The following TUSC3 variants were observed in gnomAD, a reference collection of about 807,000 sequenced individuals.
The protein encoded by TUSC3 is dolichyl-diphosphooligosaccharide--protein glycosyltransferase subunit TUSC3.
TUSC3 carries 45 observed loss-of-function variants against 44.8 expected under a neutral mutation model. The observed-to-expected ratio is 1.00, with a 90% confidence interval of 0.79 to 1.29. The LOEUF (loss-of-function observed/expected upper bound fraction) is 1.29, where lower values mean the gene tolerates loss of function less well. Among genes scored for constraint, TUSC3 ranks in the 50% most tolerant of loss-of-function variants. TUSC3 has a pLI of 0.00. For missense variants in TUSC3, 519 were observed against 437.9 expected, an observed-to-expected ratio of 1.19 and a Z score of -1.65; for synonymous variants, 212 against 152.9, an observed-to-expected ratio of 1.39 and a Z score of -2.85.
chr8:15,606,082 A>T (rs1429213757), intron 1 of TUSC3, among the ~76,000 whole-genome samples: 1 of 151,972 alleles, frequency 6.6e-6, no homozygotes, highest in Non-Finnish European at 1.5e-5. Context: ...CGCAAACAAA[A>T]TGCCACTAGG....
chr8:15,583,466 A>G (rs562772028), intron 1 of TUSC3, among the ~76,000 whole-genome samples: 1 of 152,314 alleles, frequency 6.6e-6, no homozygotes, highest in Non-Finnish European at 1.5e-5. Context: ...GGAAAATGAA[A>G]AATAATAGGC....
intron 2 of TUSC3, among the ~76,000 whole-genome samples, chr8:15,502,290 A>T (rs1327504650): frequency 6.6e-6 from 1 of 152,202 alleles, no homozygotes; most frequent in Non-Finnish European, 1.5e-5. Context: ...ATGCCCAATT[A>T]AATTGTTAAA....
intron 2 of TUSC3, among the ~76,000 whole-genome samples, chr8:15,639,123 A>C (rs1331318841): frequency 6.7e-6 from 1 of 148,988 alleles, no homozygotes; most frequent in Non-Finnish European, 1.5e-5. Context: ...TGTCGATGCT[A>C]GATCACGTGA....
intron 1 of TUSC3, among the ~76,000 whole-genome samples, chr8:15,545,329 T>C (rs1563282095): frequency 6.6e-6 from 1 of 151,696 alleles, no homozygotes; most frequent in East Asian, 1.9e-4. Context: ...CCCACTCATG[T>C]AGTGAATTAC....
At chr8:15,525,251 C>G (rs1334529424) in intron 2 of TUSC3, among the ~76,000 whole-genome samples, 1 of 152,174 alleles carries the variant, frequency 6.6e-6, no homozygotes, top group African/African-American at 2.4e-5. Context: ...ACAAAGCCTA[C>G]AAACACTATG....
chr8:15,478,789 A>G (rs985839667), intron 1 of TUSC3, among the ~76,000 whole-genome samples: 1 of 152,196 alleles, frequency 6.6e-6, no homozygotes, highest in African/African-American at 2.4e-5. Context: ...TCCTTTGGGT[A>G]TATACCTAGT....
At chr8:15,833,909 A>C in the TUSC3 span, among the ~76,000 whole-genome samples, 1 of 152,098 alleles carries the variant, frequency 6.6e-6, no homozygotes, top group Non-Finnish European at 1.5e-5. Flanking sequence ...ACTACCATTA[A>C]TATAGAGAAC....
chr8:15,772,190 A>C, the TUSC3 span, among the ~76,000 whole-genome samples: 1 of 152,106 alleles, frequency 6.6e-6, no homozygotes, highest in Non-Finnish European at 1.5e-5. Flanking sequence ...AGATGTATAG[A>C]AATAAAGATC....
chr8:15,478,257 T>G (rs928877898), intron 1 of TUSC3, among the ~76,000 whole-genome samples: 1 of 152,140 alleles, frequency 6.6e-6, no homozygotes, highest in African/African-American at 2.4e-5. Flanking sequence ...TGAGTTACCA[T>G]GCCTGGCCTT....
intron 6 of TUSC3, among the ~76,000 whole-genome samples, chr8:15,713,312 G>T (rs561030222): frequency 6.6e-6 from 1 of 152,054 alleles, no homozygotes; most frequent in Non-Finnish European, 1.5e-5. Flanking sequence ...TAATACATGT[G>T]TTTAATTTAC....
the TUSC3 span, among the ~76,000 whole-genome samples, chr8:15,828,514 A>G: frequency 3.3e-5 from 5 of 152,188 alleles, no homozygotes; most frequent in Non-Finnish European, 7.4e-5. Context: ...GTGTGCTACC[A>G]ACTGTTTATT....
intron 6 of TUSC3, among the ~76,000 whole-genome samples, chr8:15,718,136 T>G (rs4258005): frequency 6.6e-6 from 1 of 151,896 alleles, no homozygotes; most frequent in Non-Finnish European, 1.5e-5. Context: ...TTGTGAGTAA[T>G]AGATTGATGA....
chr8:15,436,010 G>A (rs780397783), intron 1 of TUSC3, among the ~76,000 whole-genome samples: 1 of 152,100 alleles, frequency 6.6e-6, no homozygotes, highest in Non-Finnish European at 1.5e-5. Flanking sequence ...TGTTGACTGG[G>A]GCTGCAGTTA....
At chr8:15,423,948 G>A (rs886138045) in intron 1 of TUSC3, among the ~76,000 whole-genome samples, 1 of 118,494 alleles carries the variant, frequency 8.4e-6, no homozygotes, top group Non-Finnish European at 1.8e-5. Context: ...TTCTCTTACA[G>A]CATTCATACT....
chr8:15,641,062 T>C (rs1806343095), intron 2 of TUSC3, among the ~76,000 whole-genome samples: 2 of 152,138 alleles, frequency 1.3e-5, no homozygotes, highest in Admixed American at 6.5e-5. Flanking sequence ...TCTGTAGCTA[T>C]AGAAAAGCTA....
chr8:15,467,752 C>G (rs1800432396), intron 1 of TUSC3, among the ~76,000 whole-genome samples: 2 of 152,118 alleles, frequency 1.3e-5, no homozygotes, highest in South Asian at 4.1e-4. Flanking sequence ...AATCAGTCAT[C>G]TTGAATTACG....
the TUSC3 span, among the ~76,000 whole-genome samples, chr8:15,784,064 G>C: frequency 2.0e-5 from 3 of 152,028 alleles, no homozygotes; most frequent in Non-Finnish European, 4.4e-5. Context: ...TTTCACAAAA[G>C]AATACATATA....
In TUSC3 at chr8:15,764,191, T is replaced by C; in HGVS notation, c.*47-12T>C. ...CTATGTTCAGCACATAATAATTTTC[T>C]TTCTTTTTCAGCTTTTTAATTAAAT... On this transcript the variant is annotated splice_polypyrimidine_tract_variant and intron_variant, in intron 10 of 10. Transcript: ENST00000503731. 6.2e-7 allele frequency: 1 copy of C among 1,602,628 alleles called. No individual in the cohort carries two copies. The highest frequency in any genetic ancestry group is 8.5e-7 in the Non-Finnish European group (1 of 1,171,068).
chr8:15,472,896 C>A (rs927873807), intron 1 of TUSC3, among the ~76,000 whole-genome samples: 2 of 152,150 alleles, frequency 1.3e-5, no homozygotes, highest in Non-Finnish European at 2.9e-5. Flanking sequence ...TCCACAGCTC[C>A]ACATACAGAA....
Sources: allele counts gnomAD v4.1 joint callset (sites outside exome capture counted in the v4.1 genomes callset), GRCh38; gene constraint gnomAD v4.1.1; transcripts MANE v1.5; gene names NCBI Gene and HGNC (gene_info 2026-07-23, HGNC 2026-07-21).